Variants in RNF141 observed in about 807,000 individuals in gnomAD.
RNF141 encodes the protein C3HC4-like zinc finger protein.
Under a neutral mutation model 27.4 loss-of-function variants are expected in RNF141, and 18 were observed. That is an observed-to-expected ratio of 0.66 (90% CI 0.45 to 0.97). RNF141 has a LOEUF of 0.97. Ranked by LOEUF, RNF141 falls within the 50% of genes least tolerant of loss-of-function variation. The pLI, the probability that RNF141 is intolerant of heterozygous loss-of-function variation, is 0.00. For synonymous variants in RNF141, 97 were observed against 96.6 expected, an observed-to-expected ratio of 1.00 and a Z score of -0.02; for missense variants, 230 against 279.4, an observed-to-expected ratio of 0.82 and a Z score of 1.26.
intron 2 of RNF141, among the ~76,000 whole-genome samples, chr11:10,532,530 CA>C (rs1564868740): frequency 0.08 from 11,967 of 148,778 alleles, 642 homozygotes; most frequent in Non-Finnish European, 0.11. Context: ...CACACACACA[CA>C]CACACACCCC....
At chr11:10,540,228 T>G (rs905208712) in intron 1 of RNF141, among the ~76,000 whole-genome samples, 26 of 152,120 alleles carry the variant, frequency 1.7e-4, no homozygotes. Context: ...AAATTCGTGC[T>G]GAAGATGTAA....
intron 1 of RNF141, among the ~76,000 whole-genome samples, chr11:10,536,788 G>A (rs903374677): frequency 2.0e-5 from 3 of 152,154 alleles, no homozygotes; most frequent in Non-Finnish European, 2.9e-5. Context: ...ATCAAAATAA[G>A]TCAACAGTAT....
chr11:10,512,278 T>C lies in RNF141; in HGVS notation c.*2638A>G, dbSNP rs1346159555. 6.5e-6 allele frequency: 1 copy of C among 152,680 alleles called. No individual in the cohort carries two copies. The highest frequency in any genetic ancestry group is 6.5e-5 in the Admixed American group (1 of 15,290). The allele number at this position is 152,680 out of a possible 1,614,324, so 9.5% of individuals were successfully genotyped here. On this transcript the variant is annotated 3_prime_UTR_variant, in exon 6 of 6. Coordinates refer to ENST00000265981, the MANE Select transcript of RNF141 (RefSeq NM_016422.4). ...AATTTACAACTTTTACGATTAGTTATTACAGTAGAACTGACCTAACATTCA... is the reference window on the plus strand; with the variant it reads ...AATTTACAACTTTTACGATTAGTTACTACAGTAGAACTGACCTAACATTCA...
intron 5 of RNF141, chr11:10,517,709 T>G (rs1849853613): frequency 6.6e-6 from 1 of 152,044 alleles, no homozygotes; most frequent in Admixed American, 6.6e-5. Context: ...GCAACATTAT[T>G]AACATACTGA....
At chr11:10,526,176 T>C (rs148434632) in intron 3 of RNF141, among the ~76,000 whole-genome samples, 39 of 152,176 alleles carry the variant, frequency 2.6e-4, no homozygotes, top group Non-Finnish European at 4.6e-4. Flanking sequence ...GCACAAGACA[T>C]AGGATGGAAG....
chr11:10,537,434 CAAAG>C (rs1850047114), intron 1 of RNF141, among the ~76,000 whole-genome samples: 1 of 151,940 alleles, frequency 6.6e-6, no homozygotes. Flanking sequence ...CATTACTTAA[CAAAG>C]AAAAAAACTG....
At chr11:10,525,893 C>G (rs983190669) in intron 3 of RNF141, among the ~76,000 whole-genome samples, 1 of 152,064 alleles carries the variant, frequency 6.6e-6, no homozygotes, top group Non-Finnish European at 1.5e-5. Flanking sequence ...CCCAGAAGGC[C>G]ATTTTGAGCT....
At chr11:10,527,803 T>C (rs887964363) in intron 3 of RNF141, among the ~76,000 whole-genome samples, 7 of 152,140 alleles carry the variant, frequency 4.6e-5, no homozygotes, top group Non-Finnish European at 5.9e-5. Context: ...AGGAGGCTAC[T>C]GGAATAATCC....
Position 10,514,986 on chromosome 11 carries a change from G to A in RNF141, c.623C>T (p.Pro208Leu), listed in dbSNP as rs1849832098. ...ATAGTTAGCCATATCATCTTCAGTG[G>A]GTGCATCTGATACCACCCAAGATTC... ...ANESWVVSDA[P>L]TEDDMANYIL... Residue 208 changes from proline to leucine, a missense_variant, in exon 6 of 6, where the codon CCC (proline) becomes CTC (leucine). Physicochemically the swap from Pro to Leu is moderately conservative, Grantham distance 98. Transcript: ENST00000265981. The A allele has an allele frequency of 6.2e-7, 1 of 1,613,690 alleles. No homozygotes were observed. Among genetic ancestry groups the A allele is most frequent in the South Asian group, 1.1e-5 (1 of 91,020 alleles).
chr11:10,530,604 T>C lies in RNF141; in HGVS notation c.252+39A>G, dbSNP rs199927970. 7 of 1,170,034 alleles carry C rather than the reference T, an allele frequency of 6.0e-6. No homozygotes were observed. The East Asian group carries it at 1.2e-4, about 21-fold the overall frequency. The allele number at this position is 1,170,034 out of a possible 1,614,324, so 72.5% of individuals were successfully genotyped here. A position where few individuals can be genotyped will look rare whatever the true frequency, so the allele number is the denominator to read the frequency against. On this transcript the variant is annotated intron_variant, in intron 3 of 5. Transcript: ENST00000265981. ...TTAAATATAGTTCTAGCCACCAAAA[T>C]AGCTTAAGCTCAGAGGTAGAAGTCT... is the stretch of plus-strand genomic sequence containing the variant.
chr11:10,530,797 TAATAA>T (rs1849979305), intron 2 of RNF141, 46 bp from the exon 3 acceptor site: 1 of 1,122,118 alleles, frequency 8.9e-7, no homozygotes, highest in East Asian at 2.6e-5. Flanking sequence ...AATCATATAT[TAATAA>T]AATAATACAG....
rs184188498 is a variant in RNF141 at position 10,512,099 on chromosome 11, G to A, written c.*2817C>T. On this transcript the variant is annotated 3_prime_UTR_variant, in exon 6 of 6. Transcript: ENST00000265981. ...CCCTCTGTTACTGAGTTAGGATAGG[G>A]AAAACAAATTCCTTAGAGTTCATGA... The A allele has an allele frequency of 1.3e-5, 2 of 152,666 alleles. No individual in the cohort carries two copies. Among genetic ancestry groups the A allele is most frequent in the East Asian group, 3.9e-4 (2 of 5,186 alleles). The allele number at this position is 152,666 out of a possible 1,614,324, so 9.5% of individuals were successfully genotyped here.
In RNF141 at chr11:10,513,555, G is replaced by A. The variant is rs1849819525; in HGVS notation, c.*1361C>T. 6.6e-6 allele frequency: 1 copy of A among 152,088 alleles called. No individual in the cohort carries two copies. The highest frequency in any genetic ancestry group is 2.4e-5 in the African/African-American group (1 of 41,396). 9.4% of individuals were successfully genotyped at this position (152,088 alleles called of 1,614,324 possible). The stretch of plus-strand genomic sequence containing the variant: ...ATCACAATTCCATTATTACTATATT[G>A]TTTCAGAATATTTTAATGGAAAGAG... On this transcript the variant is annotated 3_prime_UTR_variant, in exon 6 of 6. Transcript: ENST00000265981.
At chr11:10,515,353 T>C in intron 5 of RNF141, 2 of 314,368 alleles carry the variant, frequency 6.4e-6, no homozygotes, top group Non-Finnish European at 1.2e-5. Flanking sequence ...TCAATATATC[T>C]TACAGACTAG....
rs1849828742 is a variant in RNF141 at position 10,514,681 on chromosome 11, T to C, written c.*235A>G. 2 of 392,580 alleles carry C rather than the reference T, an allele frequency of 5.1e-6. No individual in the cohort carries two copies. The highest frequency in any genetic ancestry group is 4.5e-5 in the Admixed American group (1 of 22,102). The allele number at this position is 392,580 out of a possible 1,614,324, so 24.3% of individuals were successfully genotyped here. The stretch of plus-strand genomic sequence containing the variant: ...AGCTATTAGTTGTAATAATACAAAT[T>C]TGAACAGATAAATAATAGGAAAATA... On this transcript the variant is annotated 3_prime_UTR_variant, in exon 6 of 6. Transcript: ENST00000265981.
At chr11:10,530,416 T>C (rs891183077) in intron 3 of RNF141, among the ~76,000 whole-genome samples, 2 of 152,086 alleles carry the variant, frequency 1.3e-5, no homozygotes, top group Admixed American at 6.5e-5. Flanking sequence ...TGGTTAGAGA[T>C]ATTGAGGCAA....
At position 10,524,376 on chromosome 11, in the gene RNF141, G is replaced by A. The variant is rs148118372; in HGVS notation, c.434+816C>T. Among the ~76,000 whole-genome samples the A allele has an allele frequency of 4.6e-5, 7 of 152,220 alleles. No individual in the cohort carries two copies. In the East Asian group the frequency reaches 1.4e-3, roughly 29 times the overall value. ...CTTGCAGTGAGCCGAGATCGCGCCTGGGCGACAGAGCAAGACTCCGCCTCA... is the reference window on the plus strand; with the variant it reads ...CTTGCAGTGAGCCGAGATCGCGCCTAGGCGACAGAGCAAGACTCCGCCTCA... On this transcript the variant is annotated intron_variant, in intron 4 of 5. Transcript: ENST00000265981.
chr11:10,526,140 T>C (rs1290234242), intron 3 of RNF141, among the ~76,000 whole-genome samples: 3 of 152,082 alleles, frequency 2.0e-5, no homozygotes, highest in African/African-American at 2.4e-5. Flanking sequence ...CAGAGAAAGA[T>C]TAGAGACATG....
At chr11:10,538,705 T>A (rs1045571888) in intron 1 of RNF141, among the ~76,000 whole-genome samples, 2 of 152,238 alleles carry the variant, frequency 1.3e-5, no homozygotes, top group African/African-American at 4.8e-5. Context: ...AGTATTCTTT[T>A]GACTTTTGTT....
Sources: allele counts gnomAD v4.1 joint callset (sites outside exome capture counted in the v4.1 genomes callset), GRCh38; gene constraint gnomAD v4.1.1; transcripts MANE v1.5; gene names NCBI Gene and HGNC (gene_info 2026-07-23, HGNC 2026-07-21).